Variants in P3H2 observed in about 807,000 individuals in gnomAD.
P3H2 encodes leprecan-like 1.
Under a neutral mutation model 87.0 loss-of-function variants are expected in P3H2, and 80 were observed. The observed-to-expected ratio is 0.92, with a 90% CI of 0.77 to 1.11. P3H2 has a LOEUF of 1.11. Among genes scored for constraint, P3H2 ranks in the 50% least tolerant of loss-of-function variants. The pLI is 0.00. For synonymous variants in P3H2, 367 were observed against 359.3 expected (o/e 1.02, Z -0.24); for missense variants, 1,001 against 923.9 (o/e 1.08, Z -1.08).
rs1336881604 is a variant in P3H2 at position 189,956,764 on chromosome 3, C to T, written c.*1148G>A. 1 of 204,984 alleles carries T rather than the reference C, an allele frequency of 4.9e-6. No individual in the cohort carries two copies. Among genetic ancestry groups the T allele is most frequent in the East Asian group, 1.1e-4 (1 of 9,382 alleles). 12.7% of individuals were successfully genotyped at this position (204,984 alleles called of 1,614,324 possible). On this transcript the variant is annotated 3_prime_UTR_variant, in exon 15 of 15. Coordinates refer to ENST00000319332, the MANE Select transcript of P3H2 (RefSeq NM_018192.4). Reference sequence around the variant, plus strand: ...CTCCCTTTATTAAACAAATCAGACACAAGCACAAATCTGTGTGCTGGATAG... The same window carrying T: ...CTCCCTTTATTAAACAAATCAGACATAAGCACAAATCTGTGTGCTGGATAG...
At chr3:190,035,993 T>C (rs1374846463) in intron 1 of P3H2, among the ~76,000 whole-genome samples, 1 of 152,208 alleles carries the variant, frequency 6.6e-6, no homozygotes, top group Non-Finnish European at 1.5e-5. Flanking sequence ...CATTTGTTAG[T>C]TGGATGAATA....
chr3:190,067,469 T>C (rs776663584), intron 1 of P3H2, among the ~76,000 whole-genome samples: 16 of 152,140 alleles, frequency 1.1e-4, no homozygotes, highest in Non-Finnish European at 1.5e-4. Flanking sequence ...AACAAAGAAT[T>C]AGTCACTCAA....
At chr3:190,079,116 G>T (rs1186171268) in intron 1 of P3H2, among the ~76,000 whole-genome samples, 1 of 152,036 alleles carries the variant, frequency 6.6e-6, no homozygotes, top group East Asian at 1.9e-4. Flanking sequence ...TGAGGCAGGT[G>T]GGCCACCTAA....
At chr3:189,983,355 T>C (rs1307689260) in intron 7 of P3H2, 6 of 559,796 alleles carry the variant, frequency 1.1e-5, no homozygotes, top group Non-Finnish European at 1.9e-5. Context: ...TAAATCTTCT[T>C]AGCAACCTTT....
chr3:190,008,024 A>C (rs1419301994), intron 1 of P3H2, among the ~76,000 whole-genome samples: 1 of 146,330 alleles, frequency 6.8e-6, no homozygotes, highest in East Asian at 2.0e-4. Flanking sequence ...CTTTAATTAT[A>C]AAATAATGAC....
intron 1 of P3H2, among the ~76,000 whole-genome samples, chr3:190,044,244 G>A (rs943522417): frequency 2.6e-5 from 4 of 152,140 alleles, no homozygotes; most frequent in Non-Finnish European, 5.9e-5. Flanking sequence ...AGCACACGTT[G>A]TTTCCCAGAT....
chr3:190,029,355 T>C (rs1725182786), intron 1 of P3H2, among the ~76,000 whole-genome samples: 1 of 152,220 alleles, frequency 6.6e-6, no homozygotes, highest in Admixed American at 6.5e-5. Context: ...CACCATACTG[T>C]TACCCCTATC....
chr3:190,023,709 C>T lies in P3H2; in HGVS notation c.481-28267G>A, dbSNP rs116739340. Among the ~76,000 whole-genome samples the T allele has an allele frequency of 4.2e-3, 635 of 152,214 alleles. 2 individuals carry two copies. The highest frequency in any genetic ancestry group is 0.013 in the African/African-American group (558 of 41,534). On this transcript the variant is annotated intron_variant, in intron 1 of 14. Transcript: ENST00000319332. ...ACCTTGTCAATGAGAGTCTATTTAT[C>T]TATGTAAAATTTGTTGGCAGTATTT...
intron 9 of P3H2, 120 bp downstream of exon 9, chr3:189,974,438 T>C (rs1560343725): frequency 7.6e-7 from 1 of 1,322,826 alleles, no homozygotes; most frequent in East Asian, 2.4e-5. Context: ...TATGTCTTTC[T>C]CCTCAAGAAA....
intron 1 of P3H2, among the ~76,000 whole-genome samples, chr3:190,076,741 G>C (rs919853341): frequency 6.6e-6 from 1 of 152,126 alleles, no homozygotes; most frequent in African/African-American, 2.4e-5. Context: ...GTGGAAACAG[G>C]GATTAGTAAT....
At chr3:190,008,585 C>T (rs1724467795) in intron 1 of P3H2, among the ~76,000 whole-genome samples, 1 of 152,172 alleles carries the variant, frequency 6.6e-6, no homozygotes, top group Admixed American at 6.5e-5. Flanking sequence ...CATTGGCTCC[C>T]TTCCCCTTGA....
At chr3:190,000,699 C>T (rs1344027320) in intron 1 of P3H2, among the ~76,000 whole-genome samples, 2 of 152,006 alleles carry the variant, frequency 1.3e-5, no homozygotes, top group East Asian at 3.9e-4. Flanking sequence ...GTGAAAGGTG[C>T]CTGAAGTGGA....
intron 8 of P3H2, among the ~76,000 whole-genome samples, chr3:189,980,772 G>A (rs1461316219): frequency 6.6e-6 from 1 of 151,974 alleles, no homozygotes; most frequent in East Asian, 1.9e-4. Flanking sequence ...GGATAAGAGT[G>A]TCCTTTTTTA....
intron 1 of P3H2, among the ~76,000 whole-genome samples, chr3:189,996,248 T>C (rs1233987203): frequency 6.6e-6 from 1 of 152,172 alleles, no homozygotes; most frequent in Admixed American, 6.5e-5. Context: ...GAAAATGTGG[T>C]ACATATACAC....
chr3:190,098,556 C>T (rs184865387), intron 1 of P3H2, among the ~76,000 whole-genome samples: 1 of 152,242 alleles, frequency 6.6e-6, no homozygotes, highest in East Asian at 1.9e-4. Flanking sequence ...TTCTAAGTGC[C>T]TAACTTGTAT....
intron 1 of P3H2, among the ~76,000 whole-genome samples, chr3:190,119,116 G>T (rs945612790): frequency 4.8e-5 from 6 of 124,432 alleles, no homozygotes; most frequent in African/African-American, 1.8e-4. Flanking sequence ...AAAAAGAAAA[G>T]AAAAGGAAGA....
At chr3:189,977,474 A>G (rs1030978718) in intron 8 of P3H2, among the ~76,000 whole-genome samples, 6 of 152,230 alleles carry the variant, frequency 3.9e-5, no homozygotes, top group Admixed American at 1.3e-4. Flanking sequence ...CCGGTGAGAG[A>G]TCCTGAAGCC....
At chr3:190,008,639 G>A (rs936433297) in intron 1 of P3H2, among the ~76,000 whole-genome samples, 4 of 152,170 alleles carry the variant, frequency 2.6e-5, no homozygotes, top group African/African-American at 7.2e-5. Flanking sequence ...TGTTTGGTCT[G>A]TGCTAAGAAA....
At chr3:189,959,526 A>G (rs2108900327) in intron 14 of P3H2, among the ~76,000 whole-genome samples, 1 of 149,728 alleles carries the variant, frequency 6.7e-6, no homozygotes, top group South Asian at 2.1e-4. Context: ...CTTCTTATTC[A>G]TACCTTTCTC....
Sources: allele counts gnomAD v4.1 joint callset (sites outside exome capture counted in the v4.1 genomes callset), GRCh38; gene constraint gnomAD v4.1.1; transcripts MANE v1.5; gene names NCBI Gene and HGNC (gene_info 2026-07-23, HGNC 2026-07-21).